RDX: variants seen among roughly 807,000 people sequenced by gnomAD.
The protein encoded by RDX is radixin, also known as deafness, autosomal recessive 24.
A neutral mutation model predicts 83.7 loss-of-function variants in RDX; 32 were observed. That is an observed-to-expected ratio of 0.38 (90% confidence interval 0.29 to 0.51). RDX has a LOEUF of 0.51. Ranked by LOEUF, RDX falls within the 20% of genes least tolerant of loss-of-function variation. The probability of loss-of-function intolerance (pLI) is 0.87; values close to 1 mark genes in which losing one functional copy is unlikely to be tolerated. For missense variants in RDX, 600 were observed against 689.9 expected, an observed-to-expected ratio of 0.87 and a Z score of 1.46; for synonymous variants, 229 against 222.7, an observed-to-expected ratio of 1.03 and a Z score of -0.25.
At chr11:110,273,547 T>C (rs1011283991) in intron 2 of RDX, among the ~76,000 whole-genome samples, 1 of 152,228 alleles carries the variant, frequency 6.6e-6, no homozygotes, top group African/African-American at 2.4e-5. Flanking sequence ...ACCAAGTAGC[T>C]AGGAGCACAG....
At chr11:110,289,471 T>A in intron 1 of RDX, among the ~76,000 whole-genome samples, 1 of 152,180 alleles carries the variant, frequency 6.6e-6, no homozygotes, top group East Asian at 1.9e-4. Flanking sequence ...CCAAACTAAG[T>A]TTTTATAGTT....
chr11:110,189,310 GA>G (rs1473561050), intron 15 of RDX, among the ~76,000 whole-genome samples: 7 of 115,740 alleles, frequency 6.0e-5, no homozygotes, highest in Non-Finnish European at 1.1e-4. Context: ...AATTCAACAA[GA>G]GACTTAATTA....
rs1555049798 is a variant in RDX, at chr11:110,289,979, A to AAAC, written c.-65+6487_-65+6488insGTT. On this transcript the variant is annotated intron_variant, in intron 1 of 13. Coordinates refer to ENST00000645495, the MANE Select transcript of RDX (RefSeq NM_002906.4). The stretch of plus-strand genomic sequence containing the variant: ...CTCAAAAAAAAAAAAAAAAAAAAAA[A>AAAC]AAACAAGGGTCCTTACGTTGCATTA... Among the ~76,000 whole-genome samples, 149 of 144,712 alleles carry AAAC rather than the reference A, an allele frequency of 1.0e-3. 2 individuals are homozygous for AAAC. Among genetic ancestry groups the AAAC allele is most frequent in the African/African-American group, 3.9e-3 (145 of 36,870 alleles). The allele number at this position is 144,712 out of a possible 152,430, so 94.9% of individuals were successfully genotyped here. A position where few individuals can be genotyped will look rare whatever the true frequency, so the allele number is the denominator to read the frequency against.
intron 15 of RDX, among the ~76,000 whole-genome samples, chr11:110,176,287 C>T (rs1591493657): frequency 6.6e-6 from 1 of 152,094 alleles, no homozygotes; most frequent in Non-Finnish European, 1.5e-5. Flanking sequence ...TAGTCTCAAA[C>T]TCCTGACCTC....
At chr11:110,209,407 G>C (rs1282556336) in intron 14 of RDX, among the ~76,000 whole-genome samples, 1 of 151,780 alleles carries the variant, frequency 6.6e-6, no homozygotes, top group Non-Finnish European at 1.5e-5. Context: ...CAGCGAGGCT[G>C]GGGGAGGGGC....
chr11:110,233,660 T>C (rs1864730036), intron 12 of RDX, 181 bp from the exon 13 acceptor site: 5 of 660,082 alleles, frequency 7.6e-6, no homozygotes, highest in Middle Eastern at 8.3e-4. Flanking sequence ...AAAAACATTA[T>C]TATGCAAACC....
downstream of RDX, among the ~76,000 whole-genome samples, chr11:110,225,248 C>A (rs1864393062): frequency 6.6e-6 from 1 of 152,072 alleles, no homozygotes; most frequent in Non-Finnish European, 1.5e-5. Flanking sequence ...TGGACTTCAT[C>A]AAAATTAAAA....
intron 1 of RDX, 141 bp from the exon 2 acceptor site, chr11:110,279,897 T>C: frequency 3.9e-6 from 2 of 519,144 alleles, no homozygotes; most frequent in Non-Finnish European, 6.8e-6. Flanking sequence ...TCATTTTCAA[T>C]ATCTTCTACT....
chr11:110,290,500 A>G (rs1861193516), intron 1 of RDX, among the ~76,000 whole-genome samples: 1 of 138,758 alleles, frequency 7.2e-6, no homozygotes, highest in Admixed American at 7.3e-5. Context: ...CAACAGAGAC[A>G]GTCTCAAAAA....
intron 15 of RDX, among the ~76,000 whole-genome samples, chr11:110,176,509 G>C (rs138706981): frequency 4.6e-5 from 7 of 152,280 alleles, no homozygotes; most frequent in African/African-American, 1.7e-4. Flanking sequence ...CAGCCACGGG[G>C]TGCCTGGGGA....
intron 9 of RDX, among the ~76,000 whole-genome samples, chr11:110,252,482 G>A (rs889470656): frequency 1.1e-4 from 16 of 152,174 alleles, no homozygotes; most frequent in Non-Finnish European, 1.8e-4. Flanking sequence ...TGATGAGTAT[G>A]AGATACAGGA....
At chr11:110,265,404 T>C (rs1859994468) in intron 3 of RDX, among the ~76,000 whole-genome samples, 1 of 152,012 alleles carries the variant, frequency 6.6e-6, no homozygotes, top group Admixed American at 6.6e-5. Context: ...TAATCCTCAA[T>C]TTTGTAGTGT....
At chr11:110,249,645 G>A (rs1859247064) in intron 9 of RDX, among the ~76,000 whole-genome samples, 3 of 152,108 alleles carry the variant, frequency 2.0e-5, no homozygotes, top group Non-Finnish European at 4.4e-5. Flanking sequence ...AGGCAAAGGC[G>A]GGAAGACTAC....
At chr11:110,257,678 A>G in intron 7 of RDX, 89 bp downstream of exon 7, 1 of 1,364,178 alleles carries the variant, frequency 7.3e-7, no homozygotes, top group Non-Finnish European at 1.0e-6. Context: ...TAATCAAGAC[A>G]AGAAACTACT....
chr11:110,176,292 G>A (rs1204259960), intron 15 of RDX, among the ~76,000 whole-genome samples: 1 of 152,064 alleles, frequency 6.6e-6, no homozygotes, highest in Non-Finnish European at 1.5e-5. Flanking sequence ...TCAAACTCCT[G>A]ACCTCAAGTG....
intron 5 of RDX, among the ~76,000 whole-genome samples, chr11:110,260,922 TG>T (rs1217109343): frequency 1.3e-5 from 2 of 152,290 alleles, no homozygotes; most frequent in African/African-American, 4.8e-5. Flanking sequence ...TTCATTGCTG[TG>T]TTATTTTTTT....
intron 10 of RDX, among the ~76,000 whole-genome samples, chr11:110,238,822 G>A (rs1407812334): frequency 6.6e-6 from 1 of 151,952 alleles, no homozygotes; most frequent in African/African-American, 2.4e-5. Context: ...TACTTGGGGA[G>A]GCTGAGGCAG....
At chr11:110,242,290 T>C (rs1346880773) in intron 10 of RDX, among the ~76,000 whole-genome samples, 1 of 151,908 alleles carries the variant, frequency 6.6e-6, no homozygotes, top group East Asian at 1.9e-4. Flanking sequence ...TCGTTTCTAA[T>C]AAAAATACCA....
chr11:110,177,739 G>A (rs901819025), intron 15 of RDX, among the ~76,000 whole-genome samples: 11 of 151,890 alleles, frequency 7.2e-5, no homozygotes, highest in East Asian at 3.9e-4. Flanking sequence ...CTGCCTCGGC[G>A]TCCCAAAGTG....
Sources: gnomAD v4.1 joint callset for allele counts (sites outside exome capture counted in the v4.1 genomes callset) on GRCh38, gnomAD v4.1.1 for gene constraint, MANE v1.5 for transcripts, NCBI Gene and HGNC (gene_info 2026-07-23, HGNC 2026-07-21) for gene names.